Variants in CASR observed in about 807,000 individuals in gnomAD.
CASR encodes the protein calcium sensing receptor.
CASR carries 23 observed loss-of-function variants against 69.1 expected under a neutral mutation model. The observed-to-expected ratio is 0.33, with a 90% CI of 0.24 to 0.47. The LOEUF is 0.47. CASR is among the 20% of genes least tolerant of loss of function. CASR has a pLI of 1.00. For synonymous variants in CASR, 541 were observed against 544.7 expected, an observed-to-expected ratio of 0.99 and a Z score of 0.10; for missense variants, 924 against 1,356.1, an observed-to-expected ratio of 0.68 and a Z score of 5.00.
chr3:122,210,763 A>G (rs376143667), intron 1 of CASR, among the ~76,000 whole-genome samples: 61 of 152,352 alleles, frequency 4.0e-4, no homozygotes, highest in African/African-American at 1.4e-3. Context: ...GCCAAAAAAA[A>G]GAGCCCATAT....
intron 1 of CASR, among the ~76,000 whole-genome samples, chr3:122,201,361 C>T (rs1453365903): frequency 6.6e-6 from 1 of 152,214 alleles, no homozygotes; most frequent in East Asian, 1.9e-4. Context: ...AGAACCTTTC[C>T]CAGTACAGAA....
intron 1 of CASR, among the ~76,000 whole-genome samples, chr3:122,237,112 CTTT>C (rs59408184): frequency 9.3e-4 from 89 of 96,172 alleles, no homozygotes; most frequent in African/African-American, 2.6e-3. Flanking sequence ...AGTACTTATG[CTTT>C]TTTTTTTTTT....
chr3:122,249,049 C>A (rs992279793), intron 1 of CASR, among the ~76,000 whole-genome samples: 2 of 152,140 alleles, frequency 1.3e-5, no homozygotes, highest in African/African-American at 2.4e-5. Flanking sequence ...GTGGGGTGAC[C>A]CCTTCCTTGT....
At chr3:122,211,866 T>G (rs1285743128) in intron 1 of CASR, among the ~76,000 whole-genome samples, 1 of 152,186 alleles carries the variant, frequency 6.6e-6, no homozygotes, top group Non-Finnish European at 1.5e-5. Flanking sequence ...TGAGATATTA[T>G]CTCATGCCAG....
chr3:122,219,256 AGAG>A (rs1336174108), intron 1 of CASR, among the ~76,000 whole-genome samples: 1 of 152,222 alleles, frequency 6.6e-6, no homozygotes, highest in Non-Finnish European at 1.5e-5. Context: ...TTCAGGTGAT[AGAG>A]GATGATAACT....
intron 1 of CASR, among the ~76,000 whole-genome samples, chr3:122,249,932 A>C (rs1316610035): frequency 6.6e-6 from 1 of 152,204 alleles, no homozygotes; most frequent in Non-Finnish European, 1.5e-5. Flanking sequence ...GCTCTATGAA[A>C]AGCTTAGCTC....
intron 3 of CASR, among the ~76,000 whole-genome samples, chr3:122,260,384 A>T (rs937791192): frequency 6.6e-6 from 1 of 152,260 alleles, no homozygotes; most frequent in Non-Finnish European, 1.5e-5. Flanking sequence ...GCTCAGATGC[A>T]GAAGTGGCTA....
intron 1 of CASR, among the ~76,000 whole-genome samples, chr3:122,190,303 C>G (rs1011414261): frequency 6.6e-6 from 1 of 152,184 alleles, no homozygotes; most frequent in African/African-American, 2.4e-5. Context: ...AGGTGATCTT[C>G]TCTTTTCACA....
chr3:122,226,991 A>G (rs11918240), intron 1 of CASR, among the ~76,000 whole-genome samples: 111,081 of 150,684 alleles, frequency 0.74, 41,042 homozygotes, highest in Admixed American at 0.83. Context: ...ACAGAGTGCC[A>G]ATTGGTGTAT....
intron 1 of CASR, among the ~76,000 whole-genome samples, chr3:122,190,194 G>T (rs1277397140): frequency 1.3e-5 from 2 of 152,118 alleles, no homozygotes; most frequent in Non-Finnish European, 2.9e-5. Context: ...TCAGGATCTG[G>T]GTCTACTCAT....
At chr3:122,229,815 T>C (rs1043398460) in intron 1 of CASR, among the ~76,000 whole-genome samples, 1 of 152,162 alleles carries the variant, frequency 6.6e-6, no homozygotes, top group Non-Finnish European at 1.5e-5. Context: ...TGAGCCAAGA[T>C]TGTGCCACTG....
At chr3:122,188,384 T>G (rs1042584866) in intron 1 of CASR, among the ~76,000 whole-genome samples, 1 of 152,204 alleles carries the variant, frequency 6.6e-6, no homozygotes, top group Non-Finnish European at 1.5e-5. Flanking sequence ...TGGTCTGTTA[T>G]CCTTTGACTC....
chr3:122,268,365 A>C (rs528119686), intron 4 of CASR, among the ~76,000 whole-genome samples: 19 of 152,350 alleles, frequency 1.2e-4, no homozygotes, highest in African/African-American at 4.6e-4. Flanking sequence ...TAAAAAAGCT[A>C]CATCTGCTCC....
intron 1 of CASR, among the ~76,000 whole-genome samples, chr3:122,204,969 G>A (rs2073992470): frequency 6.6e-6 from 1 of 151,862 alleles, no homozygotes; most frequent in Non-Finnish European, 1.5e-5. Flanking sequence ...ATATATTCTG[G>A]TTATTAATCC....
At chr3:122,188,582 A>G (rs2073809660) in intron 1 of CASR, among the ~76,000 whole-genome samples, 1 of 152,216 alleles carries the variant, frequency 6.6e-6, no homozygotes, top group African/African-American at 2.4e-5. Flanking sequence ...GTTAATCCAT[A>G]CCAAATATAA....
intron 2 of CASR, among the ~76,000 whole-genome samples, chr3:122,255,135 T>G (rs930619731): frequency 2.0e-5 from 3 of 152,176 alleles, no homozygotes; most frequent in Non-Finnish European, 2.9e-5. Context: ...ATCCTGGTTG[T>G]CCTCCATCTG....
At position 122,284,195 on chromosome 3, in the gene CASR, C is replaced by G. The variant is rs1559968833; in HGVS notation, c.2241C>G (p.Pro747=). The G allele has an allele frequency of 6.2e-7, 1 of 1,614,032 alleles. No individual in the cohort carries two copies. Among genetic ancestry groups the G allele is most frequent in the Non-Finnish European group, 8.5e-7 (1 of 1,180,018 alleles). ...GTGTGATCTGGCTCTACACCGCGCCCCCGTCAAGCTACCGCAACCAGGAGC... is the reference window on the plus strand; with the variant it reads ...GTGTGATCTGGCTCTACACCGCGCCGCCGTCAAGCTACCGCAACCAGGAGC... The part of the protein sequence containing the change: ...VICVIWLYTA[P]PSSYRNQELE... Residue 747 remains proline, a synonymous_variant, in exon 7 of 7, where the codon CCC becomes CCG. Coordinates refer to ENST00000639785, the MANE Select transcript of CASR (RefSeq NM_000388.4).
chr3:122,238,344 G>A (rs528184353), intron 1 of CASR, among the ~76,000 whole-genome samples: 8 of 152,298 alleles, frequency 5.3e-5, no homozygotes, highest in South Asian at 2.1e-4. Context: ...GCTGGCATTC[G>A]CTGAGGAGGA....
At chr3:122,277,114 T>A (rs1309163133) in intron 5 of CASR, among the ~76,000 whole-genome samples, 1 of 147,076 alleles carries the variant, frequency 6.8e-6, no homozygotes. Flanking sequence ...AGTGGCACAA[T>A]CTCGGCTCGC....
Sources: allele counts gnomAD v4.1 joint callset (sites outside exome capture counted in the v4.1 genomes callset), GRCh38; gene constraint gnomAD v4.1.1; transcripts MANE v1.5; gene names NCBI Gene and HGNC (gene_info 2026-07-23, HGNC 2026-07-21).